Variants in ARHGAP21 observed in about 807,000 individuals in gnomAD.
The protein encoded by ARHGAP21 is Rho GTPase activating protein 21, also known as rho GTPase-activating protein 21.
ARHGAP21 carries 38 observed loss-of-function variants against 164.6 expected under a neutral mutation model. That is an observed-to-expected ratio of 0.23 (90% confidence interval 0.18 to 0.30). The LOEUF is 0.30. Ranked by LOEUF, ARHGAP21 falls within the 10% of genes least tolerant of loss-of-function variation. The pLI is 1.00. For missense variants in ARHGAP21, 1,822 were observed against 2,370.7 expected (o/e 0.77, Z 4.81); for synonymous variants, 766 against 857.9 (o/e 0.89, Z 1.87).
intron 2 of ARHGAP21, among the ~76,000 whole-genome samples, chr10:24,682,866 C>G (rs778545289): frequency 2.0e-5 from 3 of 151,866 alleles, no homozygotes; most frequent in Non-Finnish European, 4.4e-5. Context: ...GAGGCCGAGG[C>G]AGGCGGATCA....
intron 9 of ARHGAP21, among the ~76,000 whole-genome samples, chr10:24,608,135 A>G (rs969032183): frequency 6.6e-6 from 1 of 152,210 alleles, no homozygotes; most frequent in Non-Finnish European, 1.5e-5. Flanking sequence ...CTGCTCTACC[A>G]ACCAATTAAT....
Position 24,656,341 on chromosome 10 carries a change from G to T in ARHGAP21, c.268+10644C>A, listed in dbSNP as rs867721391. ...AGCCACCCCGTCCGGGAGGGAGATG[G>T]GGGGGTCAGCCCCCCCACCCGGCCA... On this transcript the variant is annotated intron_variant, in intron 4 of 25. Coordinates refer to ENST00000396432, the MANE Select transcript of ARHGAP21 (RefSeq NM_020824.4). 8.1e-5 allele frequency among the ~76,000 whole-genome samples: 8 copies of T among 99,334 alleles called. No individual in the cohort carries two copies. The South Asian group carries it at 2.8e-3, about 34-fold the overall frequency. The allele number at this position is 99,334 out of a possible 152,430, so 65.2% of individuals were successfully genotyped here.
chr10:24,614,182 T>G (rs1255082562), intron 9 of ARHGAP21, among the ~76,000 whole-genome samples: 2 of 151,204 alleles, frequency 1.3e-5, no homozygotes, highest in African/African-American at 4.9e-5. Flanking sequence ...AGTAGGGAGG[T>G]CAAGAGACCT....
intron 2 of ARHGAP21, among the ~76,000 whole-genome samples, chr10:24,684,143 T>C (rs767992653): frequency 6.6e-6 from 1 of 151,916 alleles, no homozygotes; most frequent in Non-Finnish European, 1.5e-5. Context: ...AAAAATTAGC[T>C]GGGCGTGGTG....
At position 24,683,811 on chromosome 10, in the gene ARHGAP21, T is replaced by A. The variant is rs551635239; in HGVS notation, c.64-13414A>T. On this transcript the variant is annotated intron_variant, in intron 2 of 25. Coordinates refer to ENST00000396432, the MANE Select transcript of ARHGAP21 (RefSeq NM_020824.4). ...ACATGCACACATCTCACACAATGTT[T>A]TACCTGCAAAGTTTCAATTGTACTC... Among the ~76,000 whole-genome samples, 16 of 152,340 alleles carry A rather than the reference T, an allele frequency of 1.1e-4. 1 individual carries two copies. The South Asian group carries it at 2.7e-3, about 26-fold the overall frequency.
At chr10:24,667,978 T>C (rs1840356155) in intron 3 of ARHGAP21, among the ~76,000 whole-genome samples, 1 of 152,218 alleles carries the variant, frequency 6.6e-6, no homozygotes, top group Non-Finnish European at 1.5e-5. Context: ...AGAGCCCTAT[T>C]TACAAGAACA....
chr10:24,692,842 AAT>A lies in ARHGAP21; in HGVS notation c.64-22447_64-22446del, dbSNP rs1446317954. Among the ~76,000 whole-genome samples, 5 of 151,584 alleles carry A rather than the reference AAT, an allele frequency of 3.3e-5. 1 individual carries two copies. Among genetic ancestry groups the A allele is most frequent in the Non-Finnish European group, 7.4e-5 (5 of 67,718 alleles). On this transcript the variant is annotated intron_variant, in intron 2 of 25. Coordinates refer to ENST00000396432, the MANE Select transcript of ARHGAP21 (RefSeq NM_020824.4). ...AAACTCTGTCTCAAAAAATAAAAAAAATAAAAAAATTAAAAAAAAAAAGAGTA... is the reference window on the plus strand; with the variant it reads ...AAACTCTGTCTCAAAAAATAAAAAAAAAAAAAATTAAAAAAAAAAAGAGTA...
chr10:24,714,393 T>C (rs1372470686), intron 2 of ARHGAP21: 1 of 152,112 alleles, frequency 6.6e-6, no homozygotes, highest in African/African-American at 2.4e-5. Flanking sequence ...AAGAAATGAA[T>C]GGGAAGGAAC....
chr10:24,688,636 A>G (rs1433794190), intron 2 of ARHGAP21, among the ~76,000 whole-genome samples: 3 of 152,196 alleles, frequency 2.0e-5, no homozygotes, highest in Non-Finnish European at 2.9e-5. Context: ...TAGGGTCTCT[A>G]TGTATCAGCT....
At chr10:24,685,788 A>C (rs1328702907) in intron 2 of ARHGAP21, among the ~76,000 whole-genome samples, 1 of 152,192 alleles carries the variant, frequency 6.6e-6, no homozygotes, top group Admixed American at 6.5e-5. Flanking sequence ...AGGCAGGAGA[A>C]TCGCTTGAAC....
In ARHGAP21 at chr10:24,597,984, A is replaced by T; in HGVS notation, c.3158T>A (p.Leu1053Gln). 6.2e-7 allele frequency: 1 copy of T among 1,613,398 alleles called. No homozygotes were observed. The highest frequency in any genetic ancestry group is 8.5e-7 in the Non-Finnish European group (1 of 1,179,562). ...EEDTGVTNRD[L>Q]ISRRIKEYNN... ...GTATTCTTTTATTCTTCGACTAATT[A>T]GATCCCTGTTAGTGACTCCAGTGTC... Residue 1053 changes from leucine (L) to glutamine (Q), a missense_variant, in exon 15 of 26, where the codon CTA becomes CAA. Leu to Gln is a moderately radical substitution (Grantham distance 113). This residue lies in a region of ARHGAP21 where 1,090 missense variants were observed against 1,378.9 expected (regional missense o/e 0.79). Coordinates refer to ENST00000396432, the MANE Select transcript of ARHGAP21 (RefSeq NM_020824.4).
At chr10:24,685,571 C>T (rs1407822935) in intron 2 of ARHGAP21, among the ~76,000 whole-genome samples, 3 of 152,070 alleles carry the variant, frequency 2.0e-5, no homozygotes, top group Non-Finnish European at 4.4e-5. Flanking sequence ...AAATATAATA[C>T]CGTATTGATA....
chr10:24,665,854 A>G (rs903509851), intron 4 of ARHGAP21, among the ~76,000 whole-genome samples: 2 of 152,240 alleles, frequency 1.3e-5, no homozygotes, highest in African/African-American at 4.8e-5. Context: ...AATAAAATAC[A>G]AGGAAAGACT....
intron 11 of ARHGAP21, among the ~76,000 whole-genome samples, chr10:24,605,212 G>T (rs970640020): frequency 1.3e-5 from 2 of 152,144 alleles, no homozygotes; most frequent in Non-Finnish European, 2.9e-5. Context: ...ACAGGGCACC[G>T]ATCACTTGCA....
At chr10:24,598,555 T>A (rs1164476625) in intron 14 of ARHGAP21, among the ~76,000 whole-genome samples, 1 of 151,480 alleles carries the variant, frequency 6.6e-6, no homozygotes, top group African/African-American at 2.4e-5. Context: ...ATTTGCATGA[T>A]TTTTTTTTAA....
chr10:24,602,724 CTG>C (rs2076864949), intron 12 of ARHGAP21, among the ~76,000 whole-genome samples: 1 of 152,130 alleles, frequency 6.6e-6, no homozygotes, highest in African/African-American at 2.4e-5. Flanking sequence ...AAAGCTCACT[CTG>C]AGTACTCTGT....
chr10:24,722,022 G>T lies in ARHGAP21; in HGVS notation c.-123C>A. 1 of 1,015,436 alleles carries T rather than the reference G, an allele frequency of 9.8e-7. No homozygotes were observed. Among genetic ancestry groups the T allele is most frequent in the Admixed American group, 2.0e-5 (1 of 49,720 alleles). The allele number at this position is 1,015,436 out of a possible 1,614,324, so 62.9% of individuals were successfully genotyped here. On this transcript the variant is annotated 5_prime_UTR_variant, in exon 2 of 26. Transcript: ENST00000396432. ...GCAGGCTCCGAGGAGGGGCAGGGCT[G>T]TTGAAACAGACAACGTGCCAGGGAA...
chr10:24,608,414 A>T (rs1487857117), intron 9 of ARHGAP21, among the ~76,000 whole-genome samples: 1 of 152,184 alleles, frequency 6.6e-6, no homozygotes. Context: ...CTTCCAAAAT[A>T]AGTTTCCAGG....
intron 2 of ARHGAP21, among the ~76,000 whole-genome samples, chr10:24,720,440 T>C (rs575280287): frequency 2.6e-5 from 4 of 152,332 alleles, no homozygotes; most frequent in Admixed American, 2.0e-4. Flanking sequence ...GGAGTTATTA[T>C]GGTTTACCGT....
Sources: gnomAD v4.1 joint callset for allele counts (sites outside exome capture counted in the v4.1 genomes callset) on GRCh38, gnomAD v4.1.1 for gene constraint, gnomAD v4.1.1 regional missense constraint, MANE v1.5 for transcripts, NCBI Gene and HGNC (gene_info 2026-07-23, HGNC 2026-07-21) for gene names.